The following PPFIA2 variants were observed in gnomAD, a reference collection of about 807,000 sequenced individuals.
The protein encoded by PPFIA2 is PPFI scaffold protein A2.
In PPFIA2, 46 loss-of-function variants were observed where a neutral mutation model predicts 175.5. The observed-to-expected ratio is 0.26, with a 90% CI of 0.21 to 0.34. PPFIA2 has a LOEUF of 0.34. PPFIA2 is among the 10% of genes least tolerant of loss of function. The pLI, the probability that PPFIA2 is intolerant of heterozygous loss-of-function variation, is 1.00. For synonymous variants in PPFIA2, 568 were observed against 511.4 expected, an observed-to-expected ratio of 1.11 and a Z score of -1.49; for missense variants, 1,179 against 1,506.1, an observed-to-expected ratio of 0.78 and a Z score of 3.60.
chr12:81,556,541 C>T (rs1490149011), intron 4 of PPFIA2, among the ~76,000 whole-genome samples: 1 of 151,830 alleles, frequency 6.6e-6, no homozygotes, highest in Non-Finnish European at 1.5e-5. Flanking sequence ...CAAGTGAAGG[C>T]TAATTGCTAA....
chr12:81,749,554 C>T lies in PPFIA2; in HGVS notation c.249+4419G>A, dbSNP rs769888726. 1.4e-5 allele frequency among the ~76,000 whole-genome samples: 2 copies of T among 143,802 alleles called. 1 individual carries two copies. The highest frequency in any genetic ancestry group is 3.1e-5 in the Non-Finnish European group (2 of 64,198). 94.3% of individuals were successfully genotyped at this position (143,802 alleles called of 152,430 possible). ...ATATATTAATAACTGACAATTATTC[C>T]CCCATTCTCAAAAATGTGTAGGATT... On this transcript the variant is annotated intron_variant, in intron 3 of 32. Transcript: ENST00000549396.
In PPFIA2 at chr12:81,281,352, A is replaced by G; in HGVS notation, c.3117T>C (p.Ser1039=). 6.2e-7 allele frequency: 1 copy of G among 1,610,256 alleles called. No homozygotes were observed. Among genetic ancestry groups the G allele is most frequent in the Non-Finnish European group, 8.5e-7 (1 of 1,176,910 alleles). Reference sequence around the variant, plus strand: ...CATCTACCAAGCATTCCATAAAGTAACTTCTGTACTGAGGTAACCCCAAGC... The same window carrying G: ...CATCTACCAAGCATTCCATAAAGTAGCTTCTGTACTGAGGTAACCCCAAGC... ...LPSLGLPQYR[S]YFMECLVDAR... is the part of the protein sequence containing the mutation. The change falls in exon 27 of 33, where the codon AGT becomes AGC. Residue 1039 remains serine (S), a synonymous_variant. Coordinates refer to ENST00000549396, the MANE Select transcript of PPFIA2 (RefSeq NM_003625.5).
chr12:81,308,467 A>G (rs559497463), intron 22 of PPFIA2, among the ~76,000 whole-genome samples: 1 of 152,278 alleles, frequency 6.6e-6, no homozygotes, highest in Non-Finnish European at 1.5e-5. Context: ...TTGAACCCCA[A>G]TAACCTGTCC....
At chr12:81,596,839 G>A (rs1175247190) in intron 4 of PPFIA2, among the ~76,000 whole-genome samples, 2 of 152,066 alleles carry the variant, frequency 1.3e-5, no homozygotes, top group Non-Finnish European at 2.9e-5. Context: ...TAAAACCACA[G>A]ACTTGCACTA....
chr12:81,379,126 A>G (rs940635840), intron 9 of PPFIA2, among the ~76,000 whole-genome samples: 2 of 152,178 alleles, frequency 1.3e-5, no homozygotes, highest in Admixed American at 6.6e-5. Context: ...GGGAGATTCA[A>G]TTTTTAACTG....
chr12:81,353,383 C>A, intron 16 of PPFIA2, 44 bp from the exon 17 acceptor site: 4 of 1,392,932 alleles, frequency 2.9e-6, no homozygotes, highest in Non-Finnish European at 4.1e-6. Context: ...TCATATTGCT[C>A]ATTTTCAAAG....
chr12:81,457,068 C>T (rs950540137), intron 5 of PPFIA2, among the ~76,000 whole-genome samples: 1 of 151,516 alleles, frequency 6.6e-6, no homozygotes, highest in Non-Finnish European at 1.5e-5. Context: ...TGTGGTGGTG[C>T]AATCTCGGTT....
At chr12:81,475,758 G>A (rs1305336082) in intron 4 of PPFIA2, among the ~76,000 whole-genome samples, 1 of 152,162 alleles carries the variant, frequency 6.6e-6, no homozygotes, top group East Asian at 1.9e-4. Context: ...TGTCGCCCAG[G>A]CTGGAGTGTA....
At chr12:81,443,850 T>TC (rs2050705475) in intron 6 of PPFIA2, among the ~76,000 whole-genome samples, 1 of 121,782 alleles carries the variant, frequency 8.2e-6, no homozygotes, top group Non-Finnish European at 1.8e-5. Flanking sequence ...CCTTTCTTTT[T>TC]TTTTTTTTTT....
At chr12:81,621,155 C>T (rs2062005364) in intron 4 of PPFIA2, among the ~76,000 whole-genome samples, 1 of 152,082 alleles carries the variant, frequency 6.6e-6, no homozygotes, top group Non-Finnish European at 1.5e-5. Context: ...GAGAATTTAA[C>T]ATTTGAACAG....
At chr12:81,345,291 G>A (rs1288309172) in intron 18 of PPFIA2, among the ~76,000 whole-genome samples, 1 of 151,910 alleles carries the variant, frequency 6.6e-6, no homozygotes, top group Non-Finnish European at 1.5e-5. Context: ...ATTATATTAG[G>A]TGTTAAGGAC....
intron 5 of PPFIA2, among the ~76,000 whole-genome samples, chr12:81,455,539 TAGG>T (rs2053430713): frequency 6.6e-6 from 1 of 152,190 alleles, no homozygotes; most frequent in African/African-American, 2.4e-5. Context: ...GACTCCCAAA[TAGG>T]TACTTCACAT....
intron 4 of PPFIA2, among the ~76,000 whole-genome samples, chr12:81,588,078 G>C (rs2153437977): frequency 6.6e-6 from 1 of 151,860 alleles, no homozygotes. Flanking sequence ...AAAACTAAGG[G>C]TAGTATAATA....
intron 4 of PPFIA2, among the ~76,000 whole-genome samples, chr12:81,648,890 A>G (rs1413383258): frequency 6.6e-6 from 1 of 151,780 alleles, no homozygotes. Flanking sequence ...AAGAAATCAT[A>G]GTTTTTTTTT....
At chr12:81,512,410 C>T in intron 4 of PPFIA2, 6 of 1,217,376 alleles carry the variant, frequency 4.9e-6, no homozygotes, top group South Asian at 1.3e-5. Context: ...TGATGCTGGA[C>T]CCAGCCTAAA....
At chr12:81,735,608 T>C (rs1469084501) in intron 3 of PPFIA2, among the ~76,000 whole-genome samples, 2 of 151,594 alleles carry the variant, frequency 1.3e-5, no homozygotes, top group Admixed American at 1.3e-4. Flanking sequence ...CTATTTATAA[T>C]TTTTTTTGTG....
chr12:81,523,214 C>T (rs922532210), intron 4 of PPFIA2, among the ~76,000 whole-genome samples: 1 of 152,176 alleles, frequency 6.6e-6, no homozygotes, highest in Non-Finnish European at 1.5e-5. Flanking sequence ...GCTAAATAGT[C>T]TCTCACAGTC....
intron 4 of PPFIA2, among the ~76,000 whole-genome samples, chr12:81,603,348 T>A (rs2059978400): frequency 6.6e-6 from 1 of 151,904 alleles, no homozygotes; most frequent in Admixed American, 6.6e-5. Flanking sequence ...TGGCACATAT[T>A]TGAGGGGAAA....
chr12:81,260,458 A>G (rs1216288742), intron 32 of PPFIA2: 1 of 152,192 alleles, frequency 6.6e-6, no homozygotes, highest in Non-Finnish European at 1.5e-5. Context: ...TCCTGAAGAA[A>G]TTATAATGCT....
Sources: allele counts gnomAD v4.1 joint callset (sites outside exome capture counted in the v4.1 genomes callset), GRCh38; gene constraint gnomAD v4.1.1; transcripts MANE v1.5; gene names NCBI Gene and HGNC (gene_info 2026-07-23, HGNC 2026-07-21).